ENTREP2: variants seen among roughly 807,000 people sequenced by gnomAD.
ENTREP2 encodes the protein endosomal transmembrane epsin interactor 2.
At chr15:29,636,878 T>C in the ENTREP2 span, among the ~76,000 whole-genome samples, 1 of 152,164 alleles carries the variant, frequency 6.6e-6, no homozygotes, top group Non-Finnish European at 1.5e-5. Flanking sequence ...AGATTTAGAG[T>C]GACTTATGTT....
At chr15:29,128,759 C>T in the ENTREP2 span, 10 of 1,515,394 alleles carry the variant, frequency 6.6e-6, no homozygotes, top group East Asian at 1.7e-4. Context: ...AGGAACACCC[C>T]ACTTCAGGAG....
At chr15:29,377,415 C>A in the ENTREP2 span, among the ~76,000 whole-genome samples, 1 of 152,010 alleles carries the variant, frequency 6.6e-6, no homozygotes, top group Non-Finnish European at 1.5e-5. Context: ...TGGAGAAGAG[C>A]CAGCTTTTTG....
At chr15:29,414,477 A>T in the ENTREP2 span, among the ~76,000 whole-genome samples, 1 of 152,222 alleles carries the variant, frequency 6.6e-6, no homozygotes, top group South Asian at 2.1e-4. Context: ...ACATACCAGA[A>T]TCTCTGGGAC....
chr15:29,390,813 A>G, the ENTREP2 span, among the ~76,000 whole-genome samples: 1 of 152,364 alleles, frequency 6.6e-6, no homozygotes, highest in East Asian at 1.9e-4. Flanking sequence ...ACTGATAGTG[A>G]AGCAAGTCCT....
the ENTREP2 span, among the ~76,000 whole-genome samples, chr15:29,581,290 T>G: frequency 6.6e-6 from 1 of 152,158 alleles, no homozygotes; most frequent in Non-Finnish European, 1.5e-5. Context: ...TATCGTTGAT[T>G]CTTAAGAAGG....
the ENTREP2 span, among the ~76,000 whole-genome samples, chr15:29,406,976 T>C: frequency 6.6e-6 from 1 of 152,150 alleles, no homozygotes; most frequent in Non-Finnish European, 1.5e-5. Context: ...TTAAAAAAAA[T>C]CACATCACAA....
the ENTREP2 span, among the ~76,000 whole-genome samples, chr15:29,293,335 C>G: frequency 8.7e-4 from 133 of 152,156 alleles, no homozygotes; most frequent in African/African-American, 3.0e-3. Context: ...ACTGCAAGCT[C>G]CACCTCCTGG....
the ENTREP2 span, among the ~76,000 whole-genome samples, chr15:29,151,270 C>A: frequency 6.6e-6 from 1 of 152,148 alleles, no homozygotes; most frequent in East Asian, 1.9e-4. Context: ...AGTGACTGGC[C>A]TCTGGAGTAT....
chr15:29,269,890 CG>C, the ENTREP2 span: 4 of 555,686 alleles, frequency 7.2e-6, no homozygotes, highest in Non-Finnish European at 1.2e-5. Context: ...GCGGCTGCGG[CG>C]GGTACCAAAA....
the ENTREP2 span, among the ~76,000 whole-genome samples, chr15:29,183,529 C>A: frequency 6.6e-6 from 1 of 152,186 alleles, no homozygotes; most frequent in Non-Finnish European, 1.5e-5. Flanking sequence ...GGGAACAACC[C>A]AGTGTCCATG....
the ENTREP2 span, among the ~76,000 whole-genome samples, chr15:29,655,583 G>C: frequency 2.6e-5 from 4 of 152,192 alleles, no homozygotes; most frequent in Non-Finnish European, 5.9e-5. Context: ...TGTTGGAACT[G>C]TCAGACAGGA....
the ENTREP2 span, among the ~76,000 whole-genome samples, chr15:29,469,123 G>A: frequency 1.3e-5 from 2 of 152,132 alleles, no homozygotes; most frequent in African/African-American, 2.4e-5. Context: ...GATGAACCTC[G>A]AGGACATGGT....
chr15:29,332,959 C>CAAAA, the ENTREP2 span, among the ~76,000 whole-genome samples: 1 of 48,346 alleles, frequency 2.1e-5, no homozygotes, highest in East Asian at 6.8e-4. Flanking sequence ...AACTCCATCT[C>CAAAA]AAAAAAAAAA....
the ENTREP2 span, among the ~76,000 whole-genome samples, chr15:29,628,752 C>CT: frequency 1.3e-5 from 2 of 151,996 alleles, no homozygotes; most frequent in Non-Finnish European, 2.9e-5. Context: ...ATGGTTGCAT[C>CT]TTTATTTATT....
At chr15:29,123,940 G>A in the ENTREP2 span, among the ~76,000 whole-genome samples, 1 of 152,210 alleles carries the variant, frequency 6.6e-6, no homozygotes, top group East Asian at 1.9e-4. Context: ...AATCCCAAGG[G>A]CACAGGGGCT....
At chr15:29,537,517 A>G in the ENTREP2 span, among the ~76,000 whole-genome samples, 1 of 152,130 alleles carries the variant, frequency 6.6e-6, no homozygotes. Flanking sequence ...CGCACCCTAT[A>G]TACAGTACAT....
the ENTREP2 span, among the ~76,000 whole-genome samples, chr15:29,319,976 A>T: frequency 6.6e-6 from 1 of 152,162 alleles, no homozygotes; most frequent in Non-Finnish European, 1.5e-5. Context: ...CAGGGGAGGG[A>T]AAGGCTAGTC....
chr15:29,504,927 G>T, the ENTREP2 span, among the ~76,000 whole-genome samples: 1 of 152,286 alleles, frequency 6.6e-6, no homozygotes, highest in East Asian at 1.9e-4. Flanking sequence ...AAGCAGGTCT[G>T]TTCTCATAAG....
chr15:29,216,146 T>C, the ENTREP2 span, among the ~76,000 whole-genome samples: 1 of 152,314 alleles, frequency 6.6e-6, no homozygotes, highest in Admixed American at 6.5e-5. Context: ...TAGCAGTTCT[T>C]GTAATGGTGG....
Sources: allele counts gnomAD v4.1 joint callset (sites outside exome capture counted in the v4.1 genomes callset), GRCh38; gene constraint gnomAD v4.1.1; transcripts MANE v1.5; gene names NCBI Gene and HGNC (gene_info 2026-07-23, HGNC 2026-07-21).